The following AKAP13 variants were observed in gnomAD, a reference collection of about 807,000 sequenced individuals.
AKAP13 encodes A-kinase anchor protein 13.
AKAP13 carries 80 observed loss-of-function variants against 264.5 expected under a neutral mutation model. The observed-to-expected ratio is 0.30, with a 90% CI of 0.25 to 0.36. The LOEUF is 0.36. Among genes scored for constraint, AKAP13 ranks in the 10% least tolerant of loss-of-function variants. The pLI is 1.00. For synonymous variants in AKAP13, 1,380 were observed against 1,250.2 expected (o/e 1.10, Z -2.19); for missense variants, 3,712 against 3,435.2 (o/e 1.08, Z -2.01).
chr15:85,459,007 T>C (rs1188995008), intron 1 of AKAP13, among the ~76,000 whole-genome samples: 1 of 152,246 alleles, frequency 6.6e-6, no homozygotes, highest in East Asian at 1.9e-4. Flanking sequence ...TCATAAACTA[T>C]ATCACTTTTG....
intron 8 of AKAP13, among the ~76,000 whole-genome samples, chr15:85,591,472 T>TA (rs1196624957): frequency 6.6e-6 from 1 of 152,170 alleles, no homozygotes; most frequent in East Asian, 1.9e-4. Flanking sequence ...ATAATCTGTT[T>TA]AGCTGCAACT....
At chr15:85,600,325 A>T (rs1201526942) in intron 8 of AKAP13, among the ~76,000 whole-genome samples, 1 of 152,054 alleles carries the variant, frequency 6.6e-6, no homozygotes, top group Non-Finnish European at 1.5e-5. Context: ...ATTTAAAAAA[A>T]AAAAAAAAAA....
chr15:85,430,387 A>T (rs967272284), intron 1 of AKAP13, among the ~76,000 whole-genome samples: 1 of 152,220 alleles, frequency 6.6e-6, no homozygotes, highest in Non-Finnish European at 1.5e-5. Flanking sequence ...TTTAGAAATT[A>T]GTTGAAGTTG....
At chr15:85,652,749 C>T (rs1040402509) in intron 10 of AKAP13, among the ~76,000 whole-genome samples, 7 of 152,146 alleles carry the variant, frequency 4.6e-5, no homozygotes, top group African/African-American at 1.7e-4. Flanking sequence ...CTCTTCTAGT[C>T]TCTGGTGCTT....
intron 14 of AKAP13, 96 bp downstream of exon 14, chr15:85,669,926 C>A: frequency 8.2e-6 from 7 of 852,192 alleles, no homozygotes; most frequent in East Asian, 2.9e-5. Context: ...CATTACCTGC[C>A]AAAATTTGCT....
At position 85,741,487 on chromosome 15, in the gene AKAP13, C is replaced by T. The variant is rs750461715; in HGVS notation, c.8050C>T (p.Leu2684=). The T allele has an allele frequency of 3.1e-6, 5 of 1,589,170 alleles. No homozygotes were observed. In the Admixed American group the frequency reaches 6.9e-5, roughly 22 times the overall value. ...CAGCCAGCGGCAGACAGAACGGGAC[C>T]TGTGTCAGGTAATGGGACTCCCTGC... ...RLSQRQTERD[L]CQVSHPHTKL... is the part of the protein sequence containing the mutation. Residue 2684 remains leucine, a synonymous_variant, in exon 35 of 37, where the codon CTG becomes TTG. Transcript: ENST00000394518.
intron 1 of AKAP13, among the ~76,000 whole-genome samples, chr15:85,387,519 C>G (rs888277418): frequency 5.3e-5 from 8 of 151,958 alleles, no homozygotes; most frequent in Admixed American, 2.6e-4. Flanking sequence ...GAGACAGAGT[C>G]TCTCTATGTT....
At chr15:85,618,624 TG>T (rs1264446514) in intron 8 of AKAP13, among the ~76,000 whole-genome samples, 1 of 151,878 alleles carries the variant, frequency 6.6e-6, no homozygotes. Flanking sequence ...TTAGATAGAG[TG>T]GGGGGCTAGA....
intron 15 of AKAP13, 90 bp from the exon 16 acceptor site, chr15:85,684,651 C>T: frequency 7.2e-7 from 1 of 1,383,252 alleles, no homozygotes; most frequent in South Asian, 1.4e-5. Flanking sequence ...AAAAGCCATT[C>T]AGCAGCCTTC....
chr15:85,666,724 C>T (rs897569124), intron 13 of AKAP13, among the ~76,000 whole-genome samples: 4 of 152,096 alleles, frequency 2.6e-5, no homozygotes, highest in Non-Finnish European at 4.4e-5. Flanking sequence ...TTTGCCTTCT[C>T]TTTATCACCA....
Position 85,744,846 on chromosome 15 carries a change from T to C in AKAP13, c.*169T>C, listed in dbSNP as rs941815573. The C allele has an allele frequency of 4.6e-5, 26 of 569,192 alleles. No homozygotes were observed. Among genetic ancestry groups the C allele is most frequent in the Non-Finnish European group, 7.2e-5 (24 of 333,380 alleles). 35.3% of individuals were successfully genotyped at this position (569,192 alleles called of 1,614,324 possible). On this transcript the variant is annotated 3_prime_UTR_variant, in exon 37 of 37. Transcript: ENST00000394518. The stretch of plus-strand genomic sequence containing the variant: ...AATAAGCAACAGATGATATTGAGTG[T>C]CGGGTGGGGAAGGAGGCCCAGACTC...
In AKAP13 at chr15:85,434,340, A is replaced by G. The variant is rs1409382531; in HGVS notation, c.-11-51370A>G. On this transcript the variant is annotated intron_variant, in intron 1 of 36. Coordinates refer to ENST00000394518, the MANE Select transcript of AKAP13 (RefSeq NM_007200.5). Reference sequence around the variant, plus strand: ...GTCCTACGCCCACGGAATCTCGCTGACTGCTAGCACAGCAGTCTGAAATCA... The same window carrying G: ...GTCCTACGCCCACGGAATCTCGCTGGCTGCTAGCACAGCAGTCTGAAATCA... Among the ~76,000 whole-genome samples the G allele has an allele frequency of 4.6e-5, 7 of 152,270 alleles. No homozygotes were observed. In the East Asian group the frequency reaches 7.7e-4, roughly 17 times the overall value.
At chr15:85,501,937 G>C (rs1357386870) in intron 2 of AKAP13, among the ~76,000 whole-genome samples, 1 of 152,216 alleles carries the variant, frequency 6.6e-6, no homozygotes, top group Non-Finnish European at 1.5e-5. Context: ...TTGGGAAGAA[G>C]GGGAACCATT....
chr15:85,600,108 G>A (rs755748221), intron 8 of AKAP13, among the ~76,000 whole-genome samples: 36 of 152,178 alleles, frequency 2.4e-4, no homozygotes, highest in Middle Eastern at 3.4e-3. Context: ...AGAAGGTGAA[G>A]GAGACCTTTA....
chr15:85,381,486 CT>C (rs553047572), intron 1 of AKAP13, among the ~76,000 whole-genome samples: 136 of 84,508 alleles, frequency 1.6e-3, no homozygotes, highest in Admixed American at 2.4e-3. Flanking sequence ...CCAAACAAAA[CT>C]TTTTTTTTTT....
At chr15:85,564,108 T>C (rs2078516966) in intron 5 of AKAP13, among the ~76,000 whole-genome samples, 1 of 152,194 alleles carries the variant, frequency 6.6e-6, no homozygotes, top group Non-Finnish European at 1.5e-5. Flanking sequence ...TTTCTGTCAG[T>C]ATCTGTTTAA....
At chr15:85,435,275 A>G (rs2073225386) in intron 1 of AKAP13, among the ~76,000 whole-genome samples, 1 of 146,198 alleles carries the variant, frequency 6.8e-6, no homozygotes, top group South Asian at 2.2e-4. Flanking sequence ...AAAAAAGAAT[A>G]AAAAGAAATG....
At chr15:85,682,447 T>G (rs1279761317) in intron 15 of AKAP13, among the ~76,000 whole-genome samples, 2 of 152,210 alleles carry the variant, frequency 1.3e-5, no homozygotes, top group African/African-American at 4.8e-5. Flanking sequence ...TTGTATTTAT[T>G]GATGTGAGGG....
At chr15:85,611,221 A>C (rs1245589775) in intron 8 of AKAP13, among the ~76,000 whole-genome samples, 1 of 152,072 alleles carries the variant, frequency 6.6e-6, no homozygotes, top group African/African-American at 2.4e-5. Context: ...TCTGTGTGTT[A>C]ATTCCCAAAT....
Sources: allele counts gnomAD v4.1 joint callset (sites outside exome capture counted in the v4.1 genomes callset), GRCh38; gene constraint gnomAD v4.1.1; transcripts MANE v1.5; gene names NCBI Gene and HGNC (gene_info 2026-07-23, HGNC 2026-07-21).